The following MCPH1 variants were observed in gnomAD, a reference collection of about 807,000 sequenced individuals.
The protein encoded by MCPH1 is microcephalin 1.
MCPH1 carries 104 observed loss-of-function variants against 84.5 expected under a neutral mutation model. That is an observed-to-expected ratio of 1.23 (90% CI 1.05 to 1.45). The LOEUF (loss-of-function observed/expected upper bound fraction) is 1.45, where lower values mean the gene tolerates loss of function less well. Ranked by LOEUF, MCPH1 falls within the 40% of genes most tolerant of loss-of-function variation. The pLI is 0.00. For missense variants in MCPH1, 1,498 were observed against 1,005.7 expected (o/e 1.49, Z -6.62); for synonymous variants, 514 against 366.8 (o/e 1.40, Z -4.58).
chr8:6,529,453 CTTT>C (rs200029751), intron 12 of MCPH1, among the ~76,000 whole-genome samples: 7 of 136,010 alleles, frequency 5.1e-5, no homozygotes, highest in Non-Finnish European at 4.8e-5. Flanking sequence ...AGCCATTTTT[CTTT>C]TTTTTTTTTT....
At chr8:6,410,042 T>C (rs1186202206) in intron 2 of MCPH1, among the ~76,000 whole-genome samples, 1 of 152,040 alleles carries the variant, frequency 6.6e-6, no homozygotes, top group Non-Finnish European at 1.5e-5. Flanking sequence ...CGATCTCAGC[T>C]CACTGCAATC....
chr8:6,501,834 G>A (rs1031161803), intron 12 of MCPH1: 1 of 151,650 alleles, frequency 6.6e-6, no homozygotes. Context: ...GGGATTATAG[G>A]TGTGAGCCAC....
intron 8 of MCPH1, among the ~76,000 whole-genome samples, chr8:6,447,962 C>G (rs866012589): frequency 2.2e-4 from 33 of 151,984 alleles, no homozygotes; most frequent in African/African-American, 6.3e-4. Flanking sequence ...ACAAAGATTG[C>G]TAAGAAGACT....
intron 12 of MCPH1, chr8:6,618,589 AG>A (rs753900783): frequency 3.3e-5 from 5 of 152,190 alleles, no homozygotes; most frequent in Non-Finnish European, 7.4e-5. Context: ...AAATACACAG[AG>A]AATTTTTCAC....
At chr8:6,555,456 T>C (rs1320866776) in intron 12 of MCPH1, among the ~76,000 whole-genome samples, 1 of 147,946 alleles carries the variant, frequency 6.8e-6, no homozygotes, top group Non-Finnish European at 1.5e-5. Flanking sequence ...TTACGGGGGG[T>C]GGTTTGCCCT....
intron 12 of MCPH1, among the ~76,000 whole-genome samples, chr8:6,511,673 A>G (rs965305509): frequency 2.6e-5 from 4 of 152,176 alleles, no homozygotes; most frequent in African/African-American, 9.7e-5. Context: ...TAGGATAATA[A>G]TTTTCGATGT....
At chr8:6,430,470 G>A (rs1012311349) in intron 3 of MCPH1, among the ~76,000 whole-genome samples, 1 of 152,232 alleles carries the variant, frequency 6.6e-6, no homozygotes, top group Non-Finnish European at 1.5e-5. Context: ...AGGGATGCCA[G>A]GATGACATTC....
chr8:6,521,395 C>A (rs1367960663), intron 12 of MCPH1: 7 of 1,609,340 alleles, frequency 4.3e-6, no homozygotes, highest in Non-Finnish European at 5.9e-6. Flanking sequence ...TAGCTAGCAC[C>A]TTCTTTTCTA....
chr8:6,504,600 T>C (rs956014698), intron 12 of MCPH1, among the ~76,000 whole-genome samples: 4 of 152,148 alleles, frequency 2.6e-5, no homozygotes, highest in African/African-American at 9.7e-5. Context: ...AATTCAGATA[T>C]GTCAAAGAGA....
chr8:6,560,146 C>T (rs561280353), intron 12 of MCPH1, among the ~76,000 whole-genome samples: 17 of 152,176 alleles, frequency 1.1e-4, no homozygotes, highest in Non-Finnish European at 1.8e-4. Flanking sequence ...TAAAAGTGTA[C>T]GGATTTTGTA....
chr8:6,516,830 C>G (rs1483445979), intron 12 of MCPH1, among the ~76,000 whole-genome samples: 6 of 152,142 alleles, frequency 3.9e-5, no homozygotes, highest in Non-Finnish European at 7.3e-5. Flanking sequence ...AATACATGTT[C>G]TATCTTGTTC....
intron 9 of MCPH1, among the ~76,000 whole-genome samples, chr8:6,462,675 A>G (rs1171820852): frequency 6.6e-6 from 1 of 152,174 alleles, no homozygotes; most frequent in Non-Finnish European, 1.5e-5. Flanking sequence ...TGTGGGTTCC[A>G]TGGTGTTGAA....
rs1337738912 is a variant in MCPH1, at chr8:6,645,572, T to C, written c.*2523T>C. 4.9e-5 allele frequency: 3 copies of C among 61,160 alleles called. No homozygotes were observed. The highest frequency in any genetic ancestry group is 7.4e-5 in the African/African-American group (1 of 13,596). 3.8% of individuals were successfully genotyped at this position (61,160 alleles called of 1,614,324 possible). ...AAATAAAAGTCTTTATTCTCAAGAA[T>C]ACAAGACACTATGTATAGAAATTGT... On this transcript the variant is annotated 3_prime_UTR_variant, in exon 14 of 14. Coordinates refer to ENST00000344683, the MANE Select transcript of MCPH1 (RefSeq NM_024596.5).
At chr8:6,620,353 A>C (rs1831283773) in intron 12 of MCPH1, 1 of 152,230 alleles carries the variant, frequency 6.6e-6, no homozygotes, top group Non-Finnish European at 1.5e-5. Context: ...ATATTACAGT[A>C]GTAGGAAAAC....
Position 6,559,522 on chromosome 8 carries a change from C to T in MCPH1, c.2214+59593C>T, listed in dbSNP as rs76364735. ...GTTTAAAAAACAAACAAACAAAAAA[C>T]GATGGCAGAGGAAATGTTTGCCTCC... On this transcript the variant is annotated intron_variant, in intron 12 of 13. Transcript: ENST00000344683. 5.7e-3 allele frequency among the ~76,000 whole-genome samples: 873 copies of T among 151,846 alleles called. 14 individuals are homozygous for T. Among genetic ancestry groups the T allele is most frequent in the East Asian group, 0.053 (273 of 5,164 alleles).
chr8:6,433,198 C>G (rs1267766398), intron 4 of MCPH1, among the ~76,000 whole-genome samples: 1 of 152,152 alleles, frequency 6.6e-6, no homozygotes, highest in East Asian at 1.9e-4. Flanking sequence ...TACTTTTAGT[C>G]ACTGTCAGTT....
rs927661773 is a variant in MCPH1 at position 6,636,939 on chromosome 8, G to A, written c.2453-6055G>A. ...GGTGTGGTAGGAGTCACACATAAACGGCAGACTTTCTTGTCTGTGACACAT... is the reference window on the plus strand; with the variant it reads ...GGTGTGGTAGGAGTCACACATAAACAGCAGACTTTCTTGTCTGTGACACAT... On this transcript the variant is annotated intron_variant, in intron 13 of 13. Coordinates refer to ENST00000344683, the MANE Select transcript of MCPH1 (RefSeq NM_024596.5). Among the ~76,000 whole-genome samples the A allele has an allele frequency of 3.3e-5, 5 of 152,166 alleles. No homozygotes were observed. In the South Asian group the frequency reaches 6.2e-4, roughly 19 times the overall value.
intron 12 of MCPH1, chr8:6,509,072 T>A: frequency 6.2e-7 from 1 of 1,609,120 alleles, no homozygotes; most frequent in Non-Finnish European, 8.5e-7. Flanking sequence ...CCTGTAAGCG[T>A]GCAAAGAAAA....
chr8:6,466,893 C>G (rs529121312), intron 9 of MCPH1, among the ~76,000 whole-genome samples: 1 of 152,304 alleles, frequency 6.6e-6, no homozygotes, highest in Admixed American at 6.5e-5. Context: ...ATATTTATTT[C>G]TTTGCCTTTC....
Sources: gnomAD v4.1 joint callset for allele counts (sites outside exome capture counted in the v4.1 genomes callset) on GRCh38, gnomAD v4.1.1 for gene constraint, MANE v1.5 for transcripts, NCBI Gene and HGNC (gene_info 2026-07-23, HGNC 2026-07-21) for gene names.